Variants in SDK2 observed in about 807,000 individuals in gnomAD.
The protein encoded by SDK2 is sidekick cell adhesion molecule 2, also known as protein sidekick-2.
SDK2 carries 105 observed loss-of-function variants against 253.9 expected under a neutral mutation model. The observed-to-expected ratio is 0.41, with a 90% CI of 0.35 to 0.49. SDK2 has a LOEUF of 0.49. Ranked by LOEUF, SDK2 falls within the 20% of genes least tolerant of loss-of-function variation. SDK2 has a pLI of 0.06. For missense variants in SDK2, 2,608 were observed against 3,003.0 expected, an observed-to-expected ratio of 0.87 and a Z score of 3.07; for synonymous variants, 1,249 against 1,234.9, an observed-to-expected ratio of 1.01 and a Z score of -0.24.
intron 1 of SDK2, among the ~76,000 whole-genome samples, chr17:73,549,870 C>A (rs1465127297): frequency 6.6e-6 from 1 of 152,144 alleles, no homozygotes; most frequent in Non-Finnish European, 1.5e-5. Context: ...AGAAAGATCA[C>A]TCTGGCTGCA....
chr17:73,387,977 A>C lies in SDK2; in HGVS notation c.4253T>G (p.Val1418Gly), dbSNP rs2062887914. 6.4e-7 allele frequency: 1 copy of C among 1,571,336 alleles called. No homozygotes were observed. The highest frequency in any genetic ancestry group is 2.4e-5 in the East Asian group (1 of 42,288). Reference protein sequence around the residue: ...VQQEDVRARSVLLSWEPGSDG... With the variant: ...VQQEDVRARSGLLSWEPGSDG... Reference sequence around the variant, plus strand: ...GCTCCCTGGCTCCCAGGACAGCAGCACGCTGCGTGCTCTCACATCCTCCTG... The same window carrying C: ...GCTCCCTGGCTCCCAGGACAGCAGCCCGCTGCGTGCTCTCACATCCTCCTG... Residue 1418 changes from valine to glycine, a missense_variant, in exon 30 of 45, where the codon GTG becomes GGG. Physicochemically the swap from Val to Gly is moderately radical, Grantham distance 109. Around this residue, in one of 2 missense-constraint regions of SDK2, gnomAD observed 1,103 missense variants for 1,143.9 expected, o/e 0.96. Transcript: ENST00000392650.
rs902396152 is a variant in SDK2, at chr17:73,383,176, C to G, written c.4705+700G>C. ...GCCACGTGACTGCAACAGCCTCTAT[C>G]TGGGCGCCTGCCTCTGGCTCTCCAT... On this transcript the variant is annotated intron_variant, in intron 33 of 44. Transcript: ENST00000392650. This position sits in a 1 kb window ranked among gnomAD's most constrained non-coding sequence, Gnocchi z 4.3. 3.3e-5 allele frequency among the ~76,000 whole-genome samples: 5 copies of G among 152,232 alleles called. No individual in the cohort carries two copies. The highest frequency in any genetic ancestry group is 1.5e-5 in the Non-Finnish European group (1 of 68,038).
chr17:73,627,618 C>G (rs2046218542), intron 1 of SDK2, among the ~76,000 whole-genome samples: 1 of 152,230 alleles, frequency 6.6e-6, no homozygotes, highest in Admixed American at 6.5e-5. Context: ...GCACGGTGGG[C>G]AGTGGGTGGG....
At chr17:73,365,599 G>A (rs1049882700) in intron 37 of SDK2, among the ~76,000 whole-genome samples, 1 of 152,094 alleles carries the variant, frequency 6.6e-6, no homozygotes, top group Non-Finnish European at 1.5e-5. Context: ...CAGTATCAGA[G>A]TCCTAAGAAC....
Position 73,398,167 on chromosome 17 carries a change from C to T in SDK2, c.3222G>A (p.Val1074=). The change falls in exon 24 of 45, where the codon GTG becomes GTA. Residue 1074 remains valine (V), a synonymous_variant. Coordinates refer to ENST00000392650, the MANE Select transcript of SDK2 (RefSeq NM_001144952.2). ...TGGGGGGGCTGGTGCCCACGATGTT[C>T]ACCTGGCGCATGCGGAAGCTGGGGT... ...FTCYSFRMRQ[V]NIVGTSPPSQ... The T allele has an allele frequency of 1.2e-6, 2 of 1,612,830 alleles. No individual in the cohort carries two copies. The highest frequency in any genetic ancestry group is 1.7e-6 in the Non-Finnish European group (2 of 1,179,378).
Position 73,352,325 on chromosome 17 carries a change from C to T in SDK2, c.5758+148G>A. ...CCCAGGCCTGGGCACCAGCACTTGC[C>T]TCTTCACAGCCCCGAGGGGACAATG... On this transcript the variant is annotated intron_variant, in intron 41 of 44. Transcript: ENST00000392650. The surrounding 1 kb of genome is among the most constrained non-coding windows in gnomAD (Gnocchi z 4.1). The T allele has an allele frequency of 9.9e-7, 1 of 1,012,924 alleles. No homozygotes were observed. Among genetic ancestry groups the T allele is most frequent in the Non-Finnish European group, 1.4e-6 (1 of 709,338 alleles). 62.7% of individuals were successfully genotyped at this position (1,012,924 alleles called of 1,614,324 possible). A position where few individuals can be genotyped will look rare whatever the true frequency, so the allele number is the denominator to read the frequency against.
Position 73,361,750 on chromosome 17 carries a change from T to G in SDK2, c.5401A>C (p.Ile1801Leu). 6.2e-7 allele frequency: 1 copy of G among 1,613,716 alleles called. No individual in the cohort carries two copies. The highest frequency in any genetic ancestry group is 1.1e-5 in the South Asian group (1 of 91,054). The change falls in exon 39 of 45, where the codon ATC (isoleucine) becomes CTC (leucine). Residue 1801 changes from isoleucine (I) to leucine (L), a missense_variant. Coordinates refer to ENST00000392650, the MANE Select transcript of SDK2 (RefSeq NM_001144952.2). The surrounding 1 kb of genome is among the most constrained non-coding windows in gnomAD (Gnocchi z 4.1). Reference protein sequence around the residue: ...LAEGVTYRFRIRAKTFTYGPE... With the variant: ...LAEGVTYRFRLRAKTFTYGPE... Reference sequence around the variant, plus strand: ...CCGTAGGTGAAGGTCTTGGCTCTGATGCGGAACCTGTAGGTCACCCCCTCC... The same window carrying G: ...CCGTAGGTGAAGGTCTTGGCTCTGAGGCGGAACCTGTAGGTCACCCCCTCC...
At chr17:73,554,748 G>A (rs2045117135) in intron 1 of SDK2, among the ~76,000 whole-genome samples, 1 of 152,352 alleles carries the variant, frequency 6.6e-6, no homozygotes, top group Non-Finnish European at 1.5e-5. Flanking sequence ...TGTGAGCTCT[G>A]TATGTCAAGT....
At chr17:73,458,902 G>A (rs147731585) in intron 3 of SDK2, among the ~76,000 whole-genome samples, 132 of 152,328 alleles carry the variant, frequency 8.7e-4, no homozygotes, top group African/African-American at 3.1e-3. Flanking sequence ...TACTCGGGAG[G>A]CTGAGGTAGG....
chr17:73,465,363 A>C lies in SDK2; in HGVS notation c.331+6749T>G, dbSNP rs2063589858. Among the ~76,000 whole-genome samples, 1 of 152,134 alleles carries C rather than the reference A, an allele frequency of 6.6e-6. No individual in the cohort carries two copies. Among genetic ancestry groups the C allele is most frequent in the Non-Finnish European group, 1.5e-5 (1 of 68,030 alleles). ...GGATGGTTTCAAGTCTGAGTCCCAC[A>C]GATGAGGGCTGGGGGAAGGGGTCAG... On this transcript the variant is annotated intron_variant, in intron 3 of 44. Coordinates refer to ENST00000392650, the MANE Select transcript of SDK2 (RefSeq NM_001144952.2). The surrounding 1 kb of genome is among the most constrained non-coding windows in gnomAD (Gnocchi z 4.2).
chr17:73,349,658 T>C (rs1207035516), intron 43 of SDK2, among the ~76,000 whole-genome samples: 1 of 152,226 alleles, frequency 6.6e-6, no homozygotes, highest in Non-Finnish European at 1.5e-5. Flanking sequence ...CCTGTCCTCA[T>C]GGGCTGCTTT....
At chr17:73,394,936 C>T (rs1346863568) in intron 25 of SDK2, among the ~76,000 whole-genome samples, 2 of 152,188 alleles carry the variant, frequency 1.3e-5, no homozygotes, top group African/African-American at 2.4e-5. Context: ...ATACCCCCGC[C>T]CCCCTTGGGA....
At chr17:73,603,693 G>T (rs534254002) in intron 1 of SDK2, among the ~76,000 whole-genome samples, 1 of 152,246 alleles carries the variant, frequency 6.6e-6, no homozygotes, top group Non-Finnish European at 1.5e-5. Context: ...CGCTACTAGA[G>T]AAGACATATT....
chr17:73,614,551 C>T (rs1382801377), intron 1 of SDK2, among the ~76,000 whole-genome samples: 2 of 116,626 alleles, frequency 1.7e-5, no homozygotes, highest in Non-Finnish European at 3.3e-5. Flanking sequence ...ACAAAAGACA[C>T]TGGGGGACAA....
intron 1 of SDK2, among the ~76,000 whole-genome samples, chr17:73,578,576 T>C (rs1163632487): frequency 6.6e-6 from 1 of 152,096 alleles, no homozygotes; most frequent in Admixed American, 6.5e-5. Flanking sequence ...GTGTGATTAT[T>C]TGGGGAGCTG....
Position 73,346,835 on chromosome 17 carries a change from T to C in SDK2, c.6165+1764A>G, listed in dbSNP as rs1002498120. On this transcript the variant is annotated intron_variant, in intron 44 of 44. Transcript: ENST00000392650. ...GGGGTGTCCTTGAAAAGAGAGGCAGTCATTTTTCCTGGCGGCTGAAACCGA... is the reference window on the plus strand; with the variant it reads ...GGGGTGTCCTTGAAAAGAGAGGCAGCCATTTTTCCTGGCGGCTGAAACCGA... Among the ~76,000 whole-genome samples the C allele has an allele frequency of 1.1e-4, 17 of 152,214 alleles. 1 individual carries two copies. In the East Asian group the frequency reaches 2.7e-3, roughly 24 times the overall value.
Position 73,375,733 on chromosome 17 carries a change from G to A in SDK2, c.4980+3444C>T, listed in dbSNP as rs186062422. On this transcript the variant is annotated intron_variant, in intron 36 of 44. Transcript: ENST00000392650. ...TAGCTGGGCATGGTGGCAGGCACCT[G>A]TAATCCCAGCTACTCAGGAGGCTGA... Among the ~76,000 whole-genome samples the A allele has an allele frequency of 3.7e-3, 561 of 151,874 alleles. 2 individuals are homozygous for A. The highest frequency in any genetic ancestry group is 0.013 in the African/African-American group (540 of 41,402).
chr17:73,493,123 C>G (rs2063818550), intron 2 of SDK2, among the ~76,000 whole-genome samples: 1 of 152,120 alleles, frequency 6.6e-6, no homozygotes, highest in South Asian at 2.1e-4. Context: ...CCGATGGAGC[C>G]CACCCTCCCC....
chr17:73,411,203 G>A (rs777623589), intron 18 of SDK2, among the ~76,000 whole-genome samples: 5 of 152,180 alleles, frequency 3.3e-5, no homozygotes, highest in African/African-American at 9.7e-5. Context: ...GGCCAAGGCC[G>A]GAGTGAAGCT....
Sources: allele counts gnomAD v4.1 joint callset (sites outside exome capture counted in the v4.1 genomes callset), GRCh38; gene constraint gnomAD v4.1.1; regional missense constraint gnomAD v4.1.1; non-coding constraint Gnocchi (gnomAD v3.1); transcripts MANE v1.5; gene names NCBI Gene and HGNC (gene_info 2026-07-23, HGNC 2026-07-21).